The following PCDH15 variants were observed in gnomAD, a reference collection of about 807,000 sequenced individuals.
PCDH15 encodes protocadherin-15.
In PCDH15, 129 loss-of-function variants were observed where a neutral mutation model predicts 178.5. The observed-to-expected ratio is 0.72, with a 90% confidence interval of 0.63 to 0.84. PCDH15 has a LOEUF of 0.84. Ranked by LOEUF, PCDH15 falls within the 40% of genes least tolerant of loss-of-function variation. The probability of loss-of-function intolerance (pLI) is 0.00; values close to 1 mark genes in which losing one functional copy is unlikely to be tolerated. For missense variants in PCDH15, 2,230 were observed against 2,099.9 expected (o/e 1.06, Z -1.21); for synonymous variants, 800 against 732.0 (o/e 1.09, Z -1.50).
At chr10:55,425,080 T>C (rs1420307752) in intron 2 of PCDH15, among the ~76,000 whole-genome samples, 2 of 150,812 alleles carry the variant, frequency 1.3e-5, no homozygotes, top group Admixed American at 6.7e-5. Context: ...TATCTCCATG[T>C]AGAAAAAATT....
In PCDH15 at chr10:55,077,016, C is replaced by A. The variant is rs573039926; in HGVS notation, c.-80+89560G>T. 7.2e-5 allele frequency among the ~76,000 whole-genome samples: 11 copies of A among 152,108 alleles called. No homozygotes were observed. The East Asian group carries it at 1.7e-3, about 24-fold the overall frequency. ...ATTCCTAACCTCGTGATCCGCCCGC[C>A]TCAGCCTCCCAAAGTGCTGGGATTA... On this transcript the variant is annotated intron_variant, in intron 2 of 5. Transcript: ENST00000458638.
chr10:54,960,051 A>T (rs1838602396), intron 2 of PCDH15, among the ~76,000 whole-genome samples: 2 of 152,168 alleles, frequency 1.3e-5, no homozygotes, highest in African/African-American at 4.8e-5. Context: ...TGAAGCGTCC[A>T]GTCTTATGAC....
At chr10:54,153,377 T>C (rs2044753581) in intron 13 of PCDH15, 84 bp from the exon 14 acceptor site, 5 of 1,476,438 alleles carry the variant, frequency 3.4e-6, no homozygotes, top group East Asian at 2.3e-5. Context: ...AAAAGAAGCT[T>C]GCTTTCAAAG....
chr10:54,060,477 A>G (rs534613246), intron 18 of PCDH15, among the ~76,000 whole-genome samples: 40 of 152,284 alleles, frequency 2.6e-4, no homozygotes, highest in African/African-American at 8.9e-4. Flanking sequence ...TATTTAACAT[A>G]ATTATAATAA....
chr10:54,172,743 A>C (rs118096777), intron 13 of PCDH15, among the ~76,000 whole-genome samples: 4,306 of 152,288 alleles, frequency 0.028, 82 homozygotes, highest in Middle Eastern at 0.078. Flanking sequence ...ATATAGTCAA[A>C]ATTAAAAATA....
At chr10:54,932,093 C>T (rs183444713) in intron 2 of PCDH15, among the ~76,000 whole-genome samples, 1 of 152,176 alleles carries the variant, frequency 6.6e-6, no homozygotes. Context: ...GTATTTACTA[C>T]AGCATACTTT....
At chr10:54,426,564 C>G (rs1359904402) in intron 3 of PCDH15, among the ~76,000 whole-genome samples, 1 of 152,154 alleles carries the variant, frequency 6.6e-6, no homozygotes, top group East Asian at 1.9e-4. Context: ...GGGGTTGGGA[C>G]CCCTGTTTTA....
intron 2 of PCDH15, among the ~76,000 whole-genome samples, chr10:55,110,019 A>G (rs1431816318): frequency 1.3e-5 from 2 of 151,534 alleles, no homozygotes; most frequent in African/African-American, 4.8e-5. Flanking sequence ...AGGTATATAT[A>G]TATTATTTGT....
chr10:54,056,260 A>G (rs1229086412), intron 18 of PCDH15, among the ~76,000 whole-genome samples: 1 of 152,132 alleles, frequency 6.6e-6, no homozygotes, highest in East Asian at 1.9e-4. Context: ...TTCTCTCTTC[A>G]AGCCACTTGA....
rs71461276 is a variant in PCDH15, at chr10:55,084,462, T to TAAAAAAAAAAAAAAAAAAAAAAAAAAA, written c.-80+82113_-80+82114insTTTTTTTTTTTTTTTTTTTTTTTTTTT. Among the ~76,000 whole-genome samples the TAAAAAAAAAAAAAAAAAAAAAAAAAAA allele has an allele frequency of 1.5e-4, 22 of 145,566 alleles. 1 individual carries two copies. Among genetic ancestry groups the TAAAAAAAAAAAAAAAAAAAAAAAAAAA allele is most frequent in the African/African-American group, 4.8e-4 (19 of 39,834 alleles). On this transcript the variant is annotated intron_variant, in intron 2 of 5. Coordinates refer to the PCDH15 transcript ENST00000458638. ...GACTTAAATCTAAGACCTCAAGCTG[T>TAAAAAAAAAAAAAAAAAAAAAAAAAAA]AAAAAAAAAACTAAAAGAAAACTTT...
At position 54,605,385 on chromosome 10, in the gene PCDH15, G is replaced by A. The variant is rs1458499966; in HGVS notation, c.91+58787C>T. Among the ~76,000 whole-genome samples, 6 of 151,956 alleles carry A rather than the reference G, an allele frequency of 3.9e-5. No homozygotes were observed. In the East Asian group the frequency reaches 1.2e-3, roughly 29 times the overall value. On this transcript the variant is annotated intron_variant, in intron 2 of 37. Transcript: ENST00000644397. ...TTTAATTTTGTCTTAAGTTTTAAAG[G>A]ATAATTTTCTGGGTATACTGTTTTG...
At chr10:55,324,704 T>C (rs1473376726) in intron 2 of PCDH15, among the ~76,000 whole-genome samples, 3 of 152,022 alleles carry the variant, frequency 2.0e-5, no homozygotes, top group Non-Finnish European at 2.9e-5. Flanking sequence ...TTTAGTTTAA[T>C]TCAGGGCCTG....
At chr10:54,311,849 A>G (rs1211355847) in intron 8 of PCDH15, among the ~76,000 whole-genome samples, 1 of 152,078 alleles carries the variant, frequency 6.6e-6, no homozygotes, top group Non-Finnish European at 1.5e-5. Flanking sequence ...TTTGATATAA[A>G]GCGATTTTTA....
intron 1 of PCDH15, among the ~76,000 whole-genome samples, chr10:55,248,102 A>C (rs2132220127): frequency 6.6e-6 from 1 of 150,514 alleles, no homozygotes; most frequent in South Asian, 2.1e-4. Context: ...TATATATCTT[A>C]TTACAGAGGT....
intron 21 of PCDH15, among the ~76,000 whole-genome samples, chr10:53,967,419 C>T (rs1264408271): frequency 2.0e-5 from 3 of 152,086 alleles, no homozygotes; most frequent in African/African-American, 2.4e-5. Context: ...CAGGTGCATG[C>T]CATCATGCTG....
At chr10:55,173,600 G>A (rs144088113) in intron 1 of PCDH15, among the ~76,000 whole-genome samples, 20 of 151,632 alleles carry the variant, frequency 1.3e-4, no homozygotes, top group East Asian at 3.9e-4. Context: ...CAATTTATCC[G>A]TTTAAAAAAA....
chr10:55,205,931 A>T (rs1840386448), intron 1 of PCDH15, among the ~76,000 whole-genome samples: 1 of 151,966 alleles, frequency 6.6e-6, no homozygotes, highest in South Asian at 2.1e-4. Context: ...GCAAAGAGAG[A>T]GCTTATGCAG....
intron 2 of PCDH15, among the ~76,000 whole-genome samples, chr10:55,016,409 C>CAA (rs34850783): frequency 6.6e-6 from 1 of 151,848 alleles, no homozygotes; most frequent in Non-Finnish European, 1.5e-5. Flanking sequence ...TAGAACCCAT[C>CAA]ACCTTCCCCA....
chr10:55,368,168 C>T (rs199682399), intron 2 of PCDH15, among the ~76,000 whole-genome samples: 1 of 152,048 alleles, frequency 6.6e-6, no homozygotes, highest in South Asian at 2.1e-4. Context: ...TTCTCTCTCA[C>T]TCTCCATTTT....
Sources: gnomAD v4.1 joint callset for allele counts (sites outside exome capture counted in the v4.1 genomes callset) on GRCh38, gnomAD v4.1.1 for gene constraint, MANE v1.5 for transcripts, NCBI Gene and HGNC (gene_info 2026-07-23, HGNC 2026-07-21) for gene names.